The following MCM2 variants were observed in gnomAD, a reference collection of about 807,000 sequenced individuals.
MCM2 encodes minichromosome maintenance complex component 2, also known as DNA replication licensing factor MCM2.
In MCM2, 49 loss-of-function variants were observed where a neutral mutation model predicts 86.4. The observed-to-expected ratio is 0.57, with a 90% CI of 0.45 to 0.72. The LOEUF (loss-of-function observed/expected upper bound fraction) is 0.72. MCM2 is among the 30% of genes least tolerant of loss of function. The pLI is 0.00. For synonymous variants in MCM2, 475 were observed against 484.6 expected, an observed-to-expected ratio of 0.98 and a Z score of 0.26; for missense variants, 1,038 against 1,259.9, an observed-to-expected ratio of 0.82 and a Z score of 2.67.
rs1370278109 is a variant in MCM2 at position 127,606,215 on chromosome 3, G to T, written c.771G>T (p.Gln257His). 6.2e-7 allele frequency: 1 copy of T among 1,614,124 alleles called. No individual in the cohort carries two copies. The highest frequency in any genetic ancestry group is 8.5e-7 in the Non-Finnish European group (1 of 1,180,054). ...CTGAGGCACCGGCGGAGCTGCTGCA[G>T]ATCTTTGATGAGGCTGCCCTGGAGG... The part of the protein sequence containing the change: ...FLPEAPAELL[Q>H]IFDEAALEVV... Residue 257 changes from glutamine (Q) to histidine (H), a missense_variant, in exon 5 of 16, where the codon CAG (glutamine) becomes CAT (histidine). Physicochemically the swap from Gln to His is conservative, Grantham distance 24. Around this residue, in one of 4 missense-constraint regions of MCM2, gnomAD observed 399 missense variants for 507.2 expected, o/e 0.79. Transcript: ENST00000265056. This position sits in a 1 kb window ranked among gnomAD's most constrained non-coding sequence, Gnocchi z 4.2.
intron 8 of MCM2, among the ~76,000 whole-genome samples, chr3:127,611,638 A>G (rs1477928113): frequency 6.9e-6 from 1 of 145,498 alleles, no homozygotes; most frequent in Non-Finnish European, 1.5e-5. Flanking sequence ...TGTCTTCTGC[A>G]GATTCCATCT....
Position 127,618,994 on chromosome 3 carries a change from C to G in MCM2, c.2014-33C>G. On this transcript the variant is annotated intron_variant, in intron 12 of 15. Transcript: ENST00000265056. This position sits in a 1 kb window ranked among gnomAD's most constrained non-coding sequence, Gnocchi z 4.0. ...ACCTCCCCAAAGCCACGCACACCCA[C>G]AATCAGACCCACCCTCTCATGGCTT... is the stretch of plus-strand genomic sequence containing the variant. 2 of 1,546,560 alleles carry G rather than the reference C, an allele frequency of 1.3e-6. No individual in the cohort carries two copies. The highest frequency in any genetic ancestry group is 1.8e-6 in the Non-Finnish European group (2 of 1,142,380).
At position 127,617,340 on chromosome 3, in the gene MCM2, C is replaced by T. The variant is rs766855733; in HGVS notation, c.1835C>T (p.Ser612Leu). The change falls in exon 11 of 16, where the codon TCG becomes TTG. Residue 612 changes from serine (S) to leucine (L), a missense_variant. Transcript: ENST00000265056. The surrounding 1 kb of genome is among the most constrained non-coding windows in gnomAD (Gnocchi z 4.1). ...ATGGAGCAACAGAGCATCTCCATCT[C>T]GAAGGCTGGCATCGTCACCTCCCTG... ...EAMEQQSISI[S>L]KAGIVTSLQA... 1.2e-6 allele frequency: 2 copies of T among 1,614,104 alleles called. No individual in the cohort carries two copies. The highest frequency in any genetic ancestry group is 2.2e-5 in the East Asian group (1 of 44,880).
rs2074351704 is a variant in MCM2, at chr3:127,606,515, G to A, written c.894-95G>A. Reference sequence around the variant, plus strand: ...GAGGGATCTTCCCGGGCTGGGGGCTGGGCCCAATTTCCAGGACAGTGTGTT... The same window carrying A: ...GAGGGATCTTCCCGGGCTGGGGGCTAGGCCCAATTTCCAGGACAGTGTGTT... On this transcript the variant is annotated intron_variant, in intron 5 of 15. Transcript: ENST00000265056. The surrounding 1 kb of genome is among the most constrained non-coding windows in gnomAD (Gnocchi z 4.2). 2 of 1,316,024 alleles carry A rather than the reference G, an allele frequency of 1.5e-6. No homozygotes were observed. The highest frequency in any genetic ancestry group is 2.1e-6 in the Non-Finnish European group (2 of 932,038). The allele number at this position is 1,316,024 out of a possible 1,614,324, so 81.5% of individuals were successfully genotyped here.
intron 15 of MCM2, 143 bp downstream of exon 15, chr3:127,621,371 G>T (rs2074477740): frequency 1.0e-6 from 1 of 974,244 alleles, no homozygotes; most frequent in Non-Finnish European, 1.5e-6. Flanking sequence ...AGTCTGTTGA[G>T]TCCAGTTCTG....
At chr3:127,598,566 C>G in intron 1 of MCM2, 94 bp downstream of exon 1, 4 of 1,480,252 alleles carry the variant, frequency 2.7e-6, no homozygotes, top group South Asian at 1.3e-5. Flanking sequence ...GGGCGGCGCT[C>G]TGGGTGAGGC....
At chr3:127,605,258 T>C in intron 4 of MCM2, 102 bp downstream of exon 4, 4 of 1,459,676 alleles carry the variant, frequency 2.7e-6, no homozygotes, top group South Asian at 1.3e-5. Context: ...ACAGGGCATA[T>C]GGCTGAGAGG....
At position 127,621,873 on chromosome 3, in the gene MCM2, G is replaced by A. The variant is rs1030174367; in HGVS notation, c.*100G>A. On this transcript the variant is annotated 3_prime_UTR_variant, in exon 16 of 16. Transcript: ENST00000265056. The stretch of plus-strand genomic sequence containing the variant: ...CAAAACCAGAGCACTTGATGAACTC[G>A]GGGTACTAGGGTCAGGGCTTATAGC... 1.7e-5 allele frequency: 13 copies of A among 779,320 alleles called. No homozygotes were observed. The highest frequency in any genetic ancestry group is 2.5e-4 in the Middle Eastern group (1 of 3,922). 48.3% of individuals were successfully genotyped at this position (779,320 alleles called of 1,614,324 possible). A position where few individuals can be genotyped will look rare whatever the true frequency, so the allele number is the denominator to read the frequency against.
At chr3:127,610,281 G>C (rs192223233) in intron 8 of MCM2, among the ~76,000 whole-genome samples, 1 of 152,176 alleles carries the variant, frequency 6.6e-6, no homozygotes, top group Admixed American at 6.5e-5. Context: ...TCCTTCTGAC[G>C]TATGTAAACC....
Position 127,605,101 on chromosome 3 carries a change from C to T in MCM2, c.618C>T (p.His206=), listed in dbSNP as rs755470398. ...HHRFKNFLRT[H]VDSHGHNVFK... ...GCTTCAAGAACTTCCTGCGCACTCACGTCGACAGCCACGGCCACAACGTCT... is the reference window on the plus strand; with the variant it reads ...GCTTCAAGAACTTCCTGCGCACTCATGTCGACAGCCACGGCCACAACGTCT... The change falls in exon 4 of 16, where the codon CAC becomes CAT. Residue 206 remains histidine, a synonymous_variant. Transcript: ENST00000265056. 7.9e-5 allele frequency: 128 copies of T among 1,613,956 alleles called. No homozygotes were observed. The highest frequency in any genetic ancestry group is 2.0e-4 in the Admixed American group (12 of 60,004).
rs779411453 is a variant in MCM2 at position 127,599,324 on chromosome 3, T to C, written c.13T>C (p.Ser5Pro). The C allele has an allele frequency of 3.1e-6, 5 of 1,613,964 alleles. No individual in the cohort carries two copies. In the South Asian group the frequency reaches 5.5e-5, roughly 18 times the overall value. Residue 5 changes from serine to proline, a missense_variant, in exon 2 of 16, where the codon TCG becomes CCG. Coordinates refer to ENST00000265056, the MANE Select transcript of MCM2 (RefSeq NM_004526.4). MAES[S>P]ESFTMASSPA... is the part of the protein sequence containing the mutation. ...ACCGCACCTTCTCTTGCAGGAATCATCGGAATCCTTCACCATGGCATCCAG... is the reference window on the plus strand; with the variant it reads ...ACCGCACCTTCTCTTGCAGGAATCACCGGAATCCTTCACCATGGCATCCAG...
chr3:127,618,100 C>A lies in MCM2; in HGVS notation c.2013+19C>A, dbSNP rs200151575. On this transcript the variant is annotated intron_variant, in intron 12 of 15. Transcript: ENST00000265056. This position sits in a 1 kb window ranked among gnomAD's most constrained non-coding sequence, Gnocchi z 4.0. Reference sequence around the variant, plus strand: ...AGTCCAGGTATAGCTCACATGTGCCCGGTTTCCATGAACTGTGGTTTGGGG... The same window carrying A: ...AGTCCAGGTATAGCTCACATGTGCCAGGTTTCCATGAACTGTGGTTTGGGG... 6.2e-7 allele frequency: 1 copy of A among 1,600,268 alleles called. No homozygotes were observed. Among genetic ancestry groups the A allele is most frequent in the African/African-American group, 1.3e-5 (1 of 74,714 alleles).
At position 127,603,574 on chromosome 3, in the gene MCM2, C is replaced by T. The variant is rs755931730; in HGVS notation, c.237-1034C>T. Among the ~76,000 whole-genome samples the T allele has an allele frequency of 7.9e-4, 121 of 152,228 alleles. 7 individuals are homozygous for T. The highest frequency in any genetic ancestry group is 4.1e-4 in the Non-Finnish European group (28 of 68,040). On this transcript the variant is annotated intron_variant, in intron 2 of 15. Coordinates refer to ENST00000265056, the MANE Select transcript of MCM2 (RefSeq NM_004526.4). ...GAACGTGGCTCACTGCAGCCTTGAA[C>T]TCCTGCGCTCAAGCAATCCTCCCAG...
intron 6 of MCM2, among the ~76,000 whole-genome samples, chr3:127,607,941 T>C (rs2074363052): frequency 6.6e-6 from 1 of 152,226 alleles, no homozygotes; most frequent in South Asian, 2.1e-4. Context: ...CTGTGATACT[T>C]GACAGTGACA....
chr3:127,603,581 G>A (rs939252322), intron 2 of MCM2, among the ~76,000 whole-genome samples: 1 of 152,140 alleles, frequency 6.6e-6, no homozygotes, highest in African/African-American at 2.4e-5. Flanking sequence ...GAACTCCTGC[G>A]CTCAAGCAAT....
intron 14 of MCM2, 60 bp from the exon 15 acceptor site, chr3:127,621,013 T>TA: frequency 6.3e-7 from 1 of 1,599,618 alleles, no homozygotes; most frequent in Non-Finnish European, 8.5e-7. Flanking sequence ...GCACGTAGGG[T>TA]AAAGGGAGTG....
rs13087457 is a variant in MCM2 at position 127,615,934 on chromosome 3, G to A, written c.1501G>A (p.Gly501Arg). 7,598 of 1,614,110 alleles carry A rather than the reference G, an allele frequency of 4.7e-3. 30 individuals carry two copies. Among genetic ancestry groups the A allele is most frequent in the South Asian group, 7.3e-3 (662 of 91,080 alleles). ...GAGAGGCCTGGCTCTGGCCCTGTTC[G>A]GAGGGGAGCCCAAAAACCCAGGTGA... ...IKRGLALALF[G>R]GEPKNPGGKH... The change falls in exon 9 of 16, where the codon GGA becomes AGA. Residue 501 changes from glycine to arginine, a missense_variant. Physicochemically the swap from Gly to Arg is moderately radical, Grantham distance 125. Transcript: ENST00000265056.
intron 8 of MCM2, among the ~76,000 whole-genome samples, chr3:127,613,463 G>A (rs986969236): frequency 2.0e-5 from 3 of 152,202 alleles, no homozygotes; most frequent in African/African-American, 7.2e-5. Flanking sequence ...CAATGTTCCT[G>A]TGAGGTTTCA....
intron 8 of MCM2, 39 bp from the exon 9 acceptor site, chr3:127,615,823 A>G: frequency 6.8e-7 from 1 of 1,463,514 alleles, no homozygotes; most frequent in South Asian, 1.1e-5. Flanking sequence ...CTCTGTGAGT[A>G]TCTGTTCCCA....
Sources: allele counts gnomAD v4.1 joint callset (sites outside exome capture counted in the v4.1 genomes callset), GRCh38; gene constraint gnomAD v4.1.1; regional missense constraint gnomAD v4.1.1; non-coding constraint Gnocchi (gnomAD v3.1); transcripts MANE v1.5; gene names NCBI Gene and HGNC (gene_info 2026-07-23, HGNC 2026-07-21).